Variants in PDE9A observed in about 807,000 individuals in gnomAD.
PDE9A encodes the protein phosphodiesterase 9A.
PDE9A carries 60 observed loss-of-function variants against 87.4 expected under a neutral mutation model. The ratio of observed to expected loss-of-function variants is 0.69; its 90% CI spans 0.56 to 0.85. The LOEUF is 0.85. Among genes scored for constraint, PDE9A ranks in the 40% least tolerant of loss-of-function variants. The pLI, the probability that PDE9A is intolerant of heterozygous loss-of-function variation, is 0.00. For synonymous variants in PDE9A, 272 were observed against 279.4 expected (o/e 0.97, Z 0.27); for missense variants, 665 against 779.0 (o/e 0.85, Z 1.74).
At chr21:42,743,500 G>C (rs1344398371) in intron 7 of PDE9A, among the ~76,000 whole-genome samples, 2 of 152,226 alleles carry the variant, frequency 1.3e-5, no homozygotes, top group African/African-American at 4.8e-5. Context: ...AGTGGAGAGT[G>C]GGGAGGAGCT....
chr21:42,742,404 G>A (rs1459234519), intron 7 of PDE9A, among the ~76,000 whole-genome samples: 2 of 151,382 alleles, frequency 1.3e-5, no homozygotes, highest in African/African-American at 4.9e-5. Context: ...CAGTGAGCCA[G>A]GAATGCTGAT....
chr21:42,752,262 A>G (rs2054515897), intron 9 of PDE9A, among the ~76,000 whole-genome samples: 1 of 151,780 alleles, frequency 6.6e-6, no homozygotes, highest in South Asian at 2.1e-4. Flanking sequence ...TTCTGGGTGG[A>G]TTTGGGGGGT....
chr21:42,767,919 G>C (rs879766662), intron 15 of PDE9A, among the ~76,000 whole-genome samples: 20 of 152,326 alleles, frequency 1.3e-4, no homozygotes, highest in African/African-American at 4.3e-4. Flanking sequence ...GAAAATAGGG[G>C]GTGACCAGGC....
intron 14 of PDE9A, among the ~76,000 whole-genome samples, chr21:42,763,738 G>C (rs7282820): frequency 0.084 from 12,730 of 152,270 alleles, 786 homozygotes; most frequent in African/African-American, 0.18. Flanking sequence ...GAGGCAGCAA[G>C]AAAGACTGCC....
At chr21:42,664,568 C>G (rs1317813397) in intron 1 of PDE9A, among the ~76,000 whole-genome samples, 1 of 152,350 alleles carries the variant, frequency 6.6e-6, no homozygotes, top group East Asian at 1.9e-4. Flanking sequence ...GGCCCCGGTG[C>G]CAGCACTCAG....
chr21:42,737,062 C>G (rs2052534676), intron 7 of PDE9A, among the ~76,000 whole-genome samples: 1 of 152,360 alleles, frequency 6.6e-6, no homozygotes, highest in Non-Finnish European at 1.5e-5. Flanking sequence ...AGAGGGCCTG[C>G]AGCTGAACCT....
At chr21:42,769,642 A>ACATGCACACC (rs2056812634) in intron 17 of PDE9A, among the ~76,000 whole-genome samples, 1 of 44,814 alleles carries the variant, frequency 2.2e-5, no homozygotes, top group African/African-American at 1.6e-4. Context: ...AGGCACACAC[A>ACATGCACACC]GGGACACACA....
intron 3 of PDE9A, 105 bp downstream of exon 3, chr21:42,688,099 A>T: frequency 2.1e-6 from 2 of 948,584 alleles, no homozygotes; most frequent in Non-Finnish European, 3.4e-6. Context: ...AAAGGTGTGA[A>T]TTGACAGCAG....
chr21:42,686,934 G>T (rs1569147032), intron 2 of PDE9A, among the ~76,000 whole-genome samples: 1 of 152,196 alleles, frequency 6.6e-6, no homozygotes, highest in Non-Finnish European at 1.5e-5. Context: ...CCCCATAGGT[G>T]CCTTTTCTAC....
At chr21:42,665,669 G>A (rs961669028) in intron 1 of PDE9A, among the ~76,000 whole-genome samples, 8 of 152,136 alleles carry the variant, frequency 5.3e-5, no homozygotes, top group African/African-American at 1.7e-4. Flanking sequence ...CGGATGTGTC[G>A]CGTGCAGGTG....
intron 1 of PDE9A, among the ~76,000 whole-genome samples, chr21:42,679,373 G>A (rs1366706118): frequency 7.0e-6 from 1 of 142,278 alleles, no homozygotes; most frequent in Non-Finnish European, 1.5e-5. Context: ...ATCACGCCTC[G>A]CGTTCAGCGG....
chr21:42,771,373 G>C (rs1231945887), intron 18 of PDE9A, among the ~76,000 whole-genome samples: 1 of 152,232 alleles, frequency 6.6e-6, no homozygotes, highest in African/African-American at 2.4e-5. Context: ...GGCCCACGCA[G>C]TCTTTCTACG....
chr21:42,726,624 A>ATATAT, intron 4 of PDE9A, among the ~76,000 whole-genome samples: 73 of 19,780 alleles, frequency 3.7e-3, no homozygotes, highest in Non-Finnish European at 4.8e-3. Flanking sequence ...ATATATATAT[A>ATATAT]TTTTTTTTTT....
At chr21:42,732,219 G>A (rs1314782348) in intron 6 of PDE9A, 95 bp downstream of exon 6, 39 of 1,201,554 alleles carry the variant, frequency 3.2e-5, no homozygotes, top group Non-Finnish European at 4.0e-5. Context: ...GGCCTTGGCC[G>A]GCAAGCGTGG....
intron 1 of PDE9A, among the ~76,000 whole-genome samples, chr21:42,661,433 T>C (rs1424957707): frequency 4.7e-5 from 7 of 147,972 alleles, no homozygotes; most frequent in Non-Finnish European, 4.5e-5. Flanking sequence ...CATTCCGCTT[T>C]CTATCTCCAT....
chr21:42,769,663 G>A (rs28366996), intron 17 of PDE9A, among the ~76,000 whole-genome samples: 4 of 39,248 alleles, frequency 1.0e-4, no homozygotes, highest in Non-Finnish European at 1.7e-4. Flanking sequence ...GGCACACATA[G>A]GCACACAAAT....
chr21:42,760,206 T>C lies in PDE9A; in HGVS notation c.898-122T>C. 1 of 662,356 alleles carries C rather than the reference T, an allele frequency of 1.5e-6. No individual in the cohort carries two copies. The highest frequency in any genetic ancestry group is 2.8e-6 in the Non-Finnish European group (1 of 362,804). The allele number at this position is 662,356 out of a possible 1,614,324, so 41.0% of individuals were successfully genotyped here. On this transcript the variant is annotated intron_variant, in intron 11 of 19. Coordinates refer to ENST00000291539, the MANE Select transcript of PDE9A (RefSeq NM_002606.3). This position sits in a 1 kb window ranked among gnomAD's most constrained non-coding sequence, Gnocchi z 5.2. ...TGGTAAACCTGGAACACTGTTGACCTCTGGTTGGGATGAGGGTTTGGCAGA... is the reference window on the plus strand; with the variant it reads ...TGGTAAACCTGGAACACTGTTGACCCCTGGTTGGGATGAGGGTTTGGCAGA...
At chr21:42,699,040 A>G (rs762502904) in intron 4 of PDE9A, 29 bp downstream of exon 4, 4 of 1,438,136 alleles carry the variant, frequency 2.8e-6, no homozygotes, top group Admixed American at 1.7e-5. Context: ...TTTTTAAACT[A>G]AAAGAAGGAA....
At chr21:42,717,027 T>C (rs7283732) in intron 4 of PDE9A, among the ~76,000 whole-genome samples, 105,680 of 150,940 alleles carry the variant, frequency 0.7, 39,241 homozygotes, top group East Asian at 0.94. Flanking sequence ...GCTGGGATTA[T>C]AGGCGTGATT....
Sources: gnomAD v4.1 joint callset for allele counts (sites outside exome capture counted in the v4.1 genomes callset) on GRCh38, gnomAD v4.1.1 for gene constraint, Gnocchi (gnomAD v3.1) non-coding constraint, MANE v1.5 for transcripts, NCBI Gene and HGNC (gene_info 2026-07-23, HGNC 2026-07-21) for gene names.